AUTS2: variants seen among roughly 807,000 people sequenced by gnomAD.
The protein encoded by AUTS2 is activator of transcription and developmental regulator AUTS2, also known as autism susceptibility gene 2 protein.
In AUTS2, 17 loss-of-function variants were observed where a neutral mutation model predicts 112.4. That is an observed-to-expected ratio of 0.15 (90% CI 0.10 to 0.23). AUTS2 has a LOEUF of 0.23. Ranked by LOEUF, AUTS2 falls within the 10% of genes least tolerant of loss-of-function variation. The pLI is 1.00. For missense variants in AUTS2, 1,510 were observed against 1,701.6 expected (o/e 0.89, Z 1.98); for synonymous variants, 751 against 702.7 (o/e 1.07, Z -1.09).
intron 4 of AUTS2, among the ~76,000 whole-genome samples, chr7:70,163,344 T>TGGGGGGGGGGGGGGGG (rs869280939): frequency 3.6e-4 from 1 of 2,796 alleles, no homozygotes; most frequent in Non-Finnish European, 1.4e-3. Context: ...GTTGTGGTGG[T>TGGGGGGGGGGGGGGGG]GGGGGGGGGG....
At chr7:70,247,796 A>G (rs1413654689) in intron 4 of AUTS2, among the ~76,000 whole-genome samples, 3 of 152,198 alleles carry the variant, frequency 2.0e-5, no homozygotes, top group Non-Finnish European at 4.4e-5. Flanking sequence ...ATAGAATAAT[A>G]ATAGCAGGAT....
intron 2 of AUTS2, among the ~76,000 whole-genome samples, chr7:69,925,218 C>CAA (rs1046581789): frequency 1.8e-4 from 27 of 152,046 alleles, no homozygotes; most frequent in African/African-American, 5.6e-4. Flanking sequence ...TCTTGAAGAA[C>CAA]AAGCTTTATT....
chr7:70,032,888 A>G (rs1338853286), intron 2 of AUTS2, among the ~76,000 whole-genome samples: 1 of 152,166 alleles, frequency 6.6e-6, no homozygotes, highest in African/African-American at 2.4e-5. Context: ...CAGAGTAAAA[A>G]AAAAAAAAGA....
chr7:70,289,917 C>T (rs576680108), intron 4 of AUTS2, among the ~76,000 whole-genome samples: 1 of 152,302 alleles, frequency 6.6e-6, no homozygotes, highest in Admixed American at 6.5e-5. Context: ...AACTTCAAAA[C>T]AGACCTAATT....
chr7:69,811,326 G>A (rs774861587), intron 1 of AUTS2, among the ~76,000 whole-genome samples: 18 of 152,038 alleles, frequency 1.2e-4, no homozygotes, highest in Non-Finnish European at 2.4e-4. Flanking sequence ...TCACTATGAG[G>A]TTTAAGATGA....
chr7:69,715,877 C>T (rs1320903628), intron 1 of AUTS2, among the ~76,000 whole-genome samples: 1 of 152,154 alleles, frequency 6.6e-6, no homozygotes, highest in East Asian at 1.9e-4. Flanking sequence ...GTAATTATTT[C>T]ATTTTGTGAA....
chr7:69,694,596 T>A (rs1400709197), intron 1 of AUTS2, among the ~76,000 whole-genome samples: 1 of 152,138 alleles, frequency 6.6e-6, no homozygotes, highest in Non-Finnish European at 1.5e-5. Flanking sequence ...CTAGGCAACA[T>A]GGCAAAACCA....
intron 1 of AUTS2, among the ~76,000 whole-genome samples, chr7:69,652,878 G>C (rs1375798471): frequency 1.3e-5 from 2 of 152,094 alleles, no homozygotes; most frequent in East Asian, 3.9e-4. Flanking sequence ...ACAACTTCAA[G>C]ACCCACAAGT....
At chr7:70,542,443 T>A (rs999827866) in intron 5 of AUTS2, among the ~76,000 whole-genome samples, 1 of 152,206 alleles carries the variant, frequency 6.6e-6, no homozygotes, top group Non-Finnish European at 1.5e-5. Context: ...ACACAAGGTT[T>A]TTTTAAGAGC....
chr7:70,234,321 CATTG>C (rs1812208081), intron 4 of AUTS2, among the ~76,000 whole-genome samples: 1 of 152,244 alleles, frequency 6.6e-6, no homozygotes, highest in East Asian at 1.9e-4. Flanking sequence ...AACTGGCGTT[CATTG>C]ATTGTCATTC....
chr7:70,448,625 C>T (rs1379355306), intron 5 of AUTS2, among the ~76,000 whole-genome samples: 1 of 152,108 alleles, frequency 6.6e-6, no homozygotes, highest in Admixed American at 6.6e-5. Flanking sequence ...CTCAGATGGT[C>T]GTTTAGAATG....
At chr7:70,677,437 T>C (rs1229043532) in intron 5 of AUTS2, among the ~76,000 whole-genome samples, 1 of 152,174 alleles carries the variant, frequency 6.6e-6, no homozygotes, top group African/African-American at 2.4e-5. Flanking sequence ...GTTCCTGATG[T>C]TAACCAGTTC....
intron 4 of AUTS2, among the ~76,000 whole-genome samples, chr7:70,361,966 A>G (rs1012362144): frequency 3.3e-5 from 5 of 152,350 alleles, no homozygotes; most frequent in Non-Finnish European, 4.4e-5. Flanking sequence ...TTTAGGGTAG[A>G]CTTAACCCTT....
At chr7:69,644,634 A>G (rs953084120) in intron 1 of AUTS2, among the ~76,000 whole-genome samples, 8 of 152,038 alleles carry the variant, frequency 5.3e-5, no homozygotes, top group Non-Finnish European at 1.2e-4. Context: ...TACTTCTGCA[A>G]TTTCCCTAAT....
At chr7:69,947,513 G>T (rs149263606) in intron 2 of AUTS2, among the ~76,000 whole-genome samples, 1 of 152,236 alleles carries the variant, frequency 6.6e-6, no homozygotes, top group Admixed American at 6.5e-5. Flanking sequence ...TGGAAATACC[G>T]TGGAATTCAT....
At chr7:69,623,115 A>G (rs1191536878) in intron 1 of AUTS2, among the ~76,000 whole-genome samples, 6 of 152,204 alleles carry the variant, frequency 3.9e-5, no homozygotes, top group Admixed American at 6.5e-5. Context: ...TTGCATATCT[A>G]TACTCCATGG....
At chr7:69,738,566 G>T (rs1418476421) in intron 1 of AUTS2, among the ~76,000 whole-genome samples, 1 of 152,128 alleles carries the variant, frequency 6.6e-6, no homozygotes, top group Non-Finnish European at 1.5e-5. Context: ...GTTAAACTCA[G>T]CCTTGGACTA....
intron 4 of AUTS2, among the ~76,000 whole-genome samples, chr7:70,304,590 T>A (rs1300664157): frequency 6.6e-6 from 1 of 152,126 alleles, no homozygotes; most frequent in African/African-American, 2.4e-5. Flanking sequence ...TGTGAATACA[T>A]CTTGCGGAGA....
At chr7:70,773,651 T>G (rs554064362) in intron 11 of AUTS2, among the ~76,000 whole-genome samples, 3 of 152,394 alleles carry the variant, frequency 2.0e-5, no homozygotes, top group Admixed American at 6.5e-5. Flanking sequence ...AATGTTCACT[T>G]AAGCGTTTCT....
Sources: gnomAD v4.1 joint callset for allele counts (sites outside exome capture counted in the v4.1 genomes callset) on GRCh38, gnomAD v4.1.1 for gene constraint, MANE v1.5 for transcripts, NCBI Gene and HGNC (gene_info 2026-07-23, HGNC 2026-07-21) for gene names.